The following VAV1 variants were observed in gnomAD, a reference collection of about 807,000 sequenced individuals.
VAV1 encodes vav guanine nucleotide exchange factor 1, also known as proto-oncogene vav.
Under a neutral mutation model 128.1 loss-of-function variants are expected in VAV1, and 33 were observed. The ratio of observed to expected loss-of-function variants is 0.26; its 90% CI spans 0.20 to 0.34. The LOEUF is 0.34. VAV1 is among the 10% of genes least tolerant of loss of function. The pLI, the probability that VAV1 is intolerant of heterozygous loss-of-function variation, is 1.00. For missense variants in VAV1, 715 were observed against 1,093.7 expected, an observed-to-expected ratio of 0.65 and a Z score of 4.88; for synonymous variants, 394 against 409.8, an observed-to-expected ratio of 0.96 and a Z score of 0.47.
At chr19:6,807,670 C>T (rs1325992155) in intron 1 of VAV1, among the ~76,000 whole-genome samples, 2 of 151,962 alleles carry the variant, frequency 1.3e-5, no homozygotes, top group Non-Finnish European at 2.9e-5. Context: ...TGTAATCATG[C>T]CACTGCACTC....
intron 1 of VAV1, among the ~76,000 whole-genome samples, chr19:6,806,024 C>A (rs576089894): frequency 6.6e-6 from 1 of 152,164 alleles, no homozygotes; most frequent in East Asian, 1.9e-4. Context: ...TGACAGAAAA[C>A]CTAATTACAG....
At position 6,777,277 on chromosome 19, in the gene VAV1, CCA is replaced by C. The variant is rs1970667739; in HGVS notation, c.204+4267_204+4268del. On this transcript the variant is annotated intron_variant, in intron 1 of 26. Transcript: ENST00000602142. This position sits in a 1 kb window ranked among gnomAD's most constrained non-coding sequence, Gnocchi z 4.4. ...TCCATCCATCCATCCATCCATCCAT[CCA>C]TCCATCCAGCAATGACAAGGTCTGC... Among the ~76,000 whole-genome samples, 4 of 147,582 alleles carry C rather than the reference CCA, an allele frequency of 2.7e-5. No homozygotes were observed. In the Admixed American group the frequency reaches 2.7e-4, roughly 10 times the overall value.
chr19:6,806,066 A>G (rs1435850726), intron 1 of VAV1, among the ~76,000 whole-genome samples: 1 of 151,988 alleles, frequency 6.6e-6, no homozygotes, highest in Non-Finnish European at 1.5e-5. Context: ...GGCCAAATGC[A>G]GCCTGCCACC....
chr19:6,834,844 A>G (rs977389501), intron 19 of VAV1, among the ~76,000 whole-genome samples: 1 of 151,282 alleles, frequency 6.6e-6, no homozygotes, highest in Non-Finnish European at 1.5e-5. Context: ...GTGGTGGTTC[A>G]TGTCTGTGAT....
At chr19:6,796,024 C>T (rs1268663013) in intron 1 of VAV1, among the ~76,000 whole-genome samples, 2 of 152,090 alleles carry the variant, frequency 1.3e-5, no homozygotes, top group East Asian at 1.9e-4. Flanking sequence ...TTCTTGTGAC[C>T]GTCTCTGCCA....
chr19:6,785,549 C>T (rs185916100), intron 1 of VAV1, among the ~76,000 whole-genome samples: 78 of 151,754 alleles, frequency 5.1e-4, no homozygotes, highest in African/African-American at 1.8e-3. Flanking sequence ...CCAGGCTGGT[C>T]TCAAACTCCT....
At chr19:6,809,179 CAATT>C (rs1194441223) in intron 1 of VAV1, among the ~76,000 whole-genome samples, 1 of 151,394 alleles carries the variant, frequency 6.6e-6, no homozygotes, top group African/African-American at 2.4e-5. Context: ...CTCCTGGACT[CAATT>C]GATCCTCAGC....
intron 21 of VAV1, among the ~76,000 whole-genome samples, chr19:6,842,328 T>C (rs954702697): frequency 6.6e-6 from 1 of 152,174 alleles, no homozygotes; most frequent in Non-Finnish European, 1.5e-5. Flanking sequence ...AAACTTTTTC[T>C]GTAAAGAGCC....
intron 22 of VAV1, among the ~76,000 whole-genome samples, chr19:6,843,608 C>T (rs1441853022): frequency 6.6e-6 from 1 of 152,116 alleles, no homozygotes; most frequent in Non-Finnish European, 1.5e-5. Flanking sequence ...GCTGTATGAC[C>T]TTGGGCCGGT....
intron 1 of VAV1, among the ~76,000 whole-genome samples, chr19:6,786,309 G>A (rs940818538): frequency 2.0e-5 from 3 of 151,898 alleles, no homozygotes; most frequent in African/African-American, 7.3e-5. Context: ...AAGCTGCCTC[G>A]TGTTTTAAAA....
rs780696439 is a variant in VAV1, at chr19:6,777,002, G to A, written c.204+3991G>A. 1.3e-5 allele frequency among the ~76,000 whole-genome samples: 2 copies of A among 151,656 alleles called. No homozygotes were observed. The highest frequency in any genetic ancestry group is 2.4e-5 in the African/African-American group (1 of 41,298). On this transcript the variant is annotated intron_variant, in intron 1 of 26. Coordinates refer to ENST00000602142, the MANE Select transcript of VAV1 (RefSeq NM_005428.4). The surrounding 1 kb of genome is among the most constrained non-coding windows in gnomAD (Gnocchi z 4.4). Reference sequence around the variant, plus strand: ...GAACTCCTGACCTTGTGATCCACTCGCCTCAGCCTTCCAAAGTGCTGGGAT... The same window carrying A: ...GAACTCCTGACCTTGTGATCCACTCACCTCAGCCTTCCAAAGTGCTGGGAT...
rs1458211088 is a variant in VAV1, at chr19:6,850,611, G to A, written c.2130-59G>A. On this transcript the variant is annotated intron_variant, in intron 23 of 26. Coordinates refer to ENST00000602142, the MANE Select transcript of VAV1 (RefSeq NM_005428.4). ...CAAGGTTGCTTCCTCCATAACTGGG[G>A]CTTGGTGGGGAATGGGCCTGGTCCC... 3 of 1,558,836 alleles carry A rather than the reference G, an allele frequency of 1.9e-6. No individual in the cohort carries two copies. In the South Asian group the frequency reaches 3.3e-5, roughly 17 times the overall value.
chr19:6,841,190 C>T (rs183022199), intron 21 of VAV1, among the ~76,000 whole-genome samples: 27 of 152,268 alleles, frequency 1.8e-4, no homozygotes, highest in African/African-American at 6.5e-4. Flanking sequence ...GCTAGGATTA[C>T]AGGCATGAGC....
At position 6,822,097 on chromosome 19, in the gene VAV1, T is replaced by A. The variant is rs1197802300; in HGVS notation, c.450-124T>A. On this transcript the variant is annotated intron_variant, in intron 4 of 26. Transcript: ENST00000602142. This position sits in a 1 kb window ranked among gnomAD's most constrained non-coding sequence, Gnocchi z 5.9. ...CCCTGGAGCTTGGAGGGACATGGCC[T>A]GCCCTTGGAGTCTGAGGTCCCACCC... 1.9e-6 allele frequency: 2 copies of A among 1,070,994 alleles called. No individual in the cohort carries two copies. Among genetic ancestry groups the A allele is most frequent in the African/African-American group, 3.1e-5 (2 of 63,600 alleles). 66.3% of individuals were successfully genotyped at this position (1,070,994 alleles called of 1,614,324 possible). A position where few individuals can be genotyped will look rare whatever the true frequency, so the allele number is the denominator to read the frequency against.
At position 6,833,946 on chromosome 19, in the gene VAV1, T is replaced by C. The variant is rs1972154871; in HGVS notation, c.1770T>C (p.Asn590=). The change falls in exon 19 of 27, where the codon AAT becomes AAC. Residue 590 remains asparagine, a synonymous_variant. Transcript: ENST00000602142. ...LHRRAQDKKR[N]ELGLPKMEVF... ...GCAGGGCTCAGGACAAAAAGAGGAATGAGCTGGGTGAGTTGGCAGGGGTTG... is the reference window on the plus strand; with the variant it reads ...GCAGGGCTCAGGACAAAAAGAGGAACGAGCTGGGTGAGTTGGCAGGGGTTG... 1.2e-6 allele frequency: 2 copies of C among 1,613,924 alleles called. No homozygotes were observed. The highest frequency in any genetic ancestry group is 1.7e-6 in the Non-Finnish European group (2 of 1,179,962).
chr19:6,851,911 T>C (rs923987992), intron 24 of VAV1, among the ~76,000 whole-genome samples: 7 of 152,318 alleles, frequency 4.6e-5, no homozygotes, highest in African/African-American at 1.7e-4. Flanking sequence ...TCCTCCATAC[T>C]TTTTATTCTG....
At chr19:6,830,445 T>G (rs1023111121) in intron 14 of VAV1, among the ~76,000 whole-genome samples, 4 of 151,998 alleles carry the variant, frequency 2.6e-5, no homozygotes, top group African/African-American at 9.7e-5. Flanking sequence ...TTTGTTTGTT[T>G]GTTGGTTTGT....
At chr19:6,799,120 A>G (rs116406945) in intron 1 of VAV1, among the ~76,000 whole-genome samples, 1 of 151,788 alleles carries the variant, frequency 6.6e-6, no homozygotes, top group African/African-American at 2.4e-5. Flanking sequence ...GTACGGATGC[A>G]CCCCAGTTTG....
chr19:6,834,591 AATTT>A (rs555386220), intron 19 of VAV1, among the ~76,000 whole-genome samples: 94 of 146,228 alleles, frequency 6.4e-4, no homozygotes, highest in African/African-American at 2.3e-3. Flanking sequence ...AATATATAAT[AATTT>A]ATTATTTAAT....
Sources: allele counts gnomAD v4.1 joint callset (sites outside exome capture counted in the v4.1 genomes callset), GRCh38; gene constraint gnomAD v4.1.1; non-coding constraint Gnocchi (gnomAD v3.1); transcripts MANE v1.5; gene names NCBI Gene and HGNC (gene_info 2026-07-23, HGNC 2026-07-21).